The following ENOX1 variants were observed in gnomAD, a reference collection of about 807,000 sequenced individuals.
ENOX1 encodes ecto-NOX disulfide-thiol exchanger 1, also known as candidate growth-related and time keeping constitutive hydroquinone (NADH) oxidase.
Under a neutral mutation model 82.5 loss-of-function variants are expected in ENOX1, and 42 were observed. That is an observed-to-expected ratio of 0.51 (90% CI 0.40 to 0.66). The LOEUF is 0.66. ENOX1 is among the 30% of genes least tolerant of loss of function. The probability of loss-of-function intolerance (pLI) is 0.00; values close to 1 mark genes in which losing one functional copy is unlikely to be tolerated. For synonymous variants in ENOX1, 271 were observed against 282.2 expected (o/e 0.96, Z 0.40); for missense variants, 608 against 811.6 (o/e 0.75, Z 3.05).
chr13:43,783,538 T>C (rs1171080019), intron 1 of ENOX1, among the ~76,000 whole-genome samples: 2 of 152,194 alleles, frequency 1.3e-5, no homozygotes, highest in Non-Finnish European at 1.5e-5. Context: ...GCCTCAGTGT[T>C]CCTTAATATT....
chr13:43,290,113 T>C (rs915579370), intron 12 of ENOX1, among the ~76,000 whole-genome samples: 5 of 152,050 alleles, frequency 3.3e-5, no homozygotes, highest in African/African-American at 9.7e-5. Flanking sequence ...GGAACACTTA[T>C]ACACTGTTGG....
chr13:43,302,406 A>G (rs1387557921), intron 11 of ENOX1, among the ~76,000 whole-genome samples: 3 of 152,208 alleles, frequency 2.0e-5, no homozygotes, highest in African/African-American at 7.2e-5. Context: ...TGTAGCATTC[A>G]CAAGAAGCTT....
At chr13:43,491,754 TC>T (rs1412735004) in intron 2 of ENOX1, among the ~76,000 whole-genome samples, 1 of 152,064 alleles carries the variant, frequency 6.6e-6, no homozygotes. Context: ...AGAGTGAGAC[TC>T]CATCTCAAAA....
intron 14 of ENOX1, among the ~76,000 whole-genome samples, chr13:43,263,148 A>G (rs9316004): frequency 0.17 from 25,263 of 152,248 alleles, 2,378 homozygotes; most frequent in Non-Finnish European, 0.22. Context: ...GAAACTTCCA[A>G]AAGGAGACAA....
intron 2 of ENOX1, among the ~76,000 whole-genome samples, chr13:43,633,306 T>C (rs563034384): frequency 1.8e-4 from 27 of 152,202 alleles, no homozygotes; most frequent in African/African-American, 6.3e-4. Context: ...AGAAAATAAA[T>C]TGGTAGAGTT....
chr13:43,324,305 T>A (rs1188760790), intron 10 of ENOX1, among the ~76,000 whole-genome samples: 2 of 152,024 alleles, frequency 1.3e-5, no homozygotes, highest in Non-Finnish European at 2.9e-5. Flanking sequence ...AATGACAAAC[T>A]GTCATATGGT....
At chr13:43,477,502 A>C (rs991460189) in intron 3 of ENOX1, among the ~76,000 whole-genome samples, 21 of 152,274 alleles carry the variant, frequency 1.4e-4, no homozygotes, top group African/African-American at 4.6e-4. Context: ...AGAATATACA[A>C]GGCTGATTAT....
intron 1 of ENOX1, among the ~76,000 whole-genome samples, chr13:43,705,328 C>CTATA (rs1248320824): frequency 0.2 from 13,825 of 70,112 alleles, 715 homozygotes; most frequent in Non-Finnish European, 0.27. Flanking sequence ...CTCTCTCTCT[C>CTATA]TCTATATATA....
At chr13:43,478,590 C>T (rs556388590) in intron 3 of ENOX1, among the ~76,000 whole-genome samples, 1 of 152,104 alleles carries the variant, frequency 6.6e-6, no homozygotes, top group Admixed American at 6.5e-5. Flanking sequence ...TAAATGTAGC[C>T]TTTTCATAGA....
intron 1 of ENOX1, among the ~76,000 whole-genome samples, chr13:43,772,080 TTA>T (rs1173447875): frequency 1.3e-5 from 2 of 151,924 alleles, no homozygotes; most frequent in African/African-American, 4.8e-5. Flanking sequence ...TGATATCTCT[TTA>T]AAGTAAAAGG....
At chr13:43,296,565 T>TAA (rs1474891556) in intron 12 of ENOX1, among the ~76,000 whole-genome samples, 1 of 152,180 alleles carries the variant, frequency 6.6e-6, no homozygotes, top group Admixed American at 6.5e-5. Context: ...TTTAGCTATA[T>TAA]AAAGTACATT....
intron 8 of ENOX1, among the ~76,000 whole-genome samples, chr13:43,349,204 A>G (rs1036334858): frequency 3.3e-5 from 5 of 152,228 alleles, no homozygotes; most frequent in African/African-American, 1.2e-4. Context: ...TTCTCATGAC[A>G]ATTAAGCTGA....
intron 3 of ENOX1, among the ~76,000 whole-genome samples, chr13:43,461,398 C>T (rs1334452306): frequency 1.3e-5 from 2 of 152,216 alleles, no homozygotes; most frequent in East Asian, 3.8e-4. Flanking sequence ...CTATAAGCAT[C>T]TCCCTTGTCA....
rs188658100 is a variant in ENOX1 at position 43,517,612 on chromosome 13, C to T, written c.-218-33460G>A. ...CAATCAATGTCTTTGACCAGAAGTT[C>T]AGGAGTGAGTGCCCTCTGCCTATGG... On this transcript the variant is annotated intron_variant, in intron 2 of 16. Transcript: ENST00000690772. 4.2e-4 allele frequency among the ~76,000 whole-genome samples: 64 copies of T among 152,268 alleles called. 1 individual carries two copies. In the East Asian group the frequency reaches 8.5e-3, roughly 20 times the overall value.
intron 2 of ENOX1, among the ~76,000 whole-genome samples, chr13:43,601,966 T>C (rs546705036): frequency 1.3e-5 from 2 of 151,580 alleles, no homozygotes; most frequent in South Asian, 2.1e-4. Context: ...ATCCTTCAAA[T>C]AGGAAGGAGA....
intron 2 of ENOX1, among the ~76,000 whole-genome samples, chr13:43,645,478 T>C (rs1250368200): frequency 6.6e-6 from 1 of 152,090 alleles, no homozygotes; most frequent in Admixed American, 6.6e-5. Context: ...TTTAATAAGA[T>C]TCAATTGGCA....
intron 16 of ENOX1, among the ~76,000 whole-genome samples, chr13:43,222,910 T>C (rs1326125613): frequency 6.6e-6 from 1 of 152,238 alleles, no homozygotes; most frequent in Non-Finnish European, 1.5e-5. Flanking sequence ...TCTGAACCTC[T>C]AGAATTTTAA....
chr13:43,481,365 T>C (rs1211098385), intron 3 of ENOX1, among the ~76,000 whole-genome samples: 7 of 152,044 alleles, frequency 4.6e-5, no homozygotes, highest in Admixed American at 3.9e-4. Flanking sequence ...CATATATATA[T>C]GGGATCAAAT....
At chr13:43,539,120 G>A (rs1322412488) in intron 2 of ENOX1, among the ~76,000 whole-genome samples, 1 of 152,054 alleles carries the variant, frequency 6.6e-6, no homozygotes, top group Non-Finnish European at 1.5e-5. Context: ...ACAACACCTG[G>A]CTCTTGGCTT....
Sources: allele counts gnomAD v4.1 joint callset (sites outside exome capture counted in the v4.1 genomes callset), GRCh38; gene constraint gnomAD v4.1.1; transcripts MANE v1.5; gene names NCBI Gene and HGNC (gene_info 2026-07-23, HGNC 2026-07-21).